Variants in ELMO1 observed in about 807,000 individuals in gnomAD.
ELMO1 encodes engulfment and cell motility 1.
ELMO1 carries 26 observed loss-of-function variants against 98.9 expected under a neutral mutation model. The observed-to-expected ratio is 0.26, with a 90% CI of 0.19 to 0.36. The LOEUF (loss-of-function observed/expected upper bound fraction) is 0.36. Ranked by LOEUF, ELMO1 falls within the 10% of genes least tolerant of loss-of-function variation. The pLI, the probability that ELMO1 is intolerant of heterozygous loss-of-function variation, is 1.00. For synonymous variants in ELMO1, 346 were observed against 346.0 expected, an observed-to-expected ratio of 1.00 and a Z score of 0.00; for missense variants, 627 against 935.2, an observed-to-expected ratio of 0.67 and a Z score of 4.30.
At chr7:37,319,599 C>T (rs563360289) in intron 2 of ELMO1, among the ~76,000 whole-genome samples, 3 of 152,288 alleles carry the variant, frequency 2.0e-5, no homozygotes, top group East Asian at 1.9e-4. Flanking sequence ...GCTTCCCTAG[C>T]GAATCAACCC....
intron 15 of ELMO1, among the ~76,000 whole-genome samples, chr7:37,078,002 C>A (rs570556730): frequency 1.2e-4 from 18 of 152,190 alleles, no homozygotes; most frequent in African/African-American, 4.3e-4. Flanking sequence ...TATTCATTAT[C>A]AAAAATATAA....
intron 4 of ELMO1, among the ~76,000 whole-genome samples, chr7:37,292,757 C>A (rs1313838141): frequency 9.5e-6 from 1 of 104,714 alleles, no homozygotes. Flanking sequence ...GCCCCCCGCC[C>A]GGCCAGCCAC....
At chr7:37,246,373 C>A (rs1223447470) in intron 6 of ELMO1, among the ~76,000 whole-genome samples, 1 of 152,146 alleles carries the variant, frequency 6.6e-6, no homozygotes. Flanking sequence ...TGTCTCCCTA[C>A]AAACTTTTCA....
intron 16 of ELMO1, among the ~76,000 whole-genome samples, chr7:37,002,486 C>A (rs2129163345): frequency 6.6e-6 from 1 of 152,250 alleles, no homozygotes; most frequent in East Asian, 1.9e-4. Context: ...GGTAAAGGAC[C>A]ATGTGGTGAT....
At chr7:37,044,179 G>T (rs997389957) in intron 15 of ELMO1, among the ~76,000 whole-genome samples, 2 of 152,120 alleles carry the variant, frequency 1.3e-5, no homozygotes, top group African/African-American at 4.8e-5. Context: ...ATGAGGGATG[G>T]ATTGACAACT....
chr7:36,981,175 C>T (rs760214769), intron 16 of ELMO1, among the ~76,000 whole-genome samples: 26 of 146,332 alleles, frequency 1.8e-4, no homozygotes, highest in Non-Finnish European at 3.3e-4. Flanking sequence ...GAGGCCAAAG[C>T]TCACTCTAAG....
At chr7:37,267,011 TAA>T (rs1217111170) in intron 5 of ELMO1, among the ~76,000 whole-genome samples, 11 of 67,802 alleles carry the variant, frequency 1.6e-4, no homozygotes, top group African/African-American at 3.7e-4. Flanking sequence ...AGACTCCATC[TAA>T]AAAAAAAAAA....
chr7:37,198,996 C>CT (rs1180258136), intron 13 of ELMO1, among the ~76,000 whole-genome samples: 1 of 152,182 alleles, frequency 6.6e-6, no homozygotes, highest in African/African-American at 2.4e-5. Flanking sequence ...ATTGAAGTGC[C>CT]ATCAGCCTGC....
intron 13 of ELMO1, among the ~76,000 whole-genome samples, chr7:37,149,943 T>C (rs1788246855): frequency 6.6e-6 from 1 of 152,202 alleles, no homozygotes; most frequent in African/African-American, 2.4e-5. Context: ...ACTCAACAAA[T>C]TATCTGTCCT....
intron 1 of ELMO1, among the ~76,000 whole-genome samples, chr7:37,357,758 G>A (rs1801546574): frequency 6.6e-6 from 1 of 152,178 alleles, no homozygotes; most frequent in South Asian, 2.1e-4. Context: ...CATGTTTGCT[G>A]CAGTTTGGTT....
At chr7:36,926,206 G>C (rs1785558059) in intron 16 of ELMO1, among the ~76,000 whole-genome samples, 1 of 152,190 alleles carries the variant, frequency 6.6e-6, no homozygotes, top group Non-Finnish European at 1.5e-5. Flanking sequence ...TCCAGACTGA[G>C]AGTCCATCCT....
chr7:36,909,316 G>T (rs889613275), intron 16 of ELMO1, among the ~76,000 whole-genome samples: 3 of 152,150 alleles, frequency 2.0e-5, no homozygotes, highest in African/African-American at 7.2e-5. Flanking sequence ...TGTTATTATT[G>T]TGATAAAGGA....
At chr7:37,046,467 C>G (rs1795803478) in intron 15 of ELMO1, among the ~76,000 whole-genome samples, 1 of 152,196 alleles carries the variant, frequency 6.6e-6, no homozygotes, top group Admixed American at 6.5e-5. Context: ...CCACTTGGAG[C>G]TACTTTTCAG....
At chr7:37,020,553 C>T (rs2113354) in intron 15 of ELMO1, among the ~76,000 whole-genome samples, 44,477 of 151,908 alleles carry the variant, frequency 0.29, 8,975 homozygotes, top group African/African-American at 0.58. Flanking sequence ...AATGATAAGA[C>T]GACGGGAAAA....
At chr7:36,940,232 C>T (rs1006417723) in intron 16 of ELMO1, among the ~76,000 whole-genome samples, 23 of 152,220 alleles carry the variant, frequency 1.5e-4, no homozygotes, top group African/African-American at 5.5e-4. Context: ...CAAGGGCTTA[C>T]AGTCACACTG....
intron 7 of ELMO1, among the ~76,000 whole-genome samples, chr7:37,236,485 A>G (rs1794469266): frequency 1.3e-5 from 2 of 152,216 alleles, no homozygotes; most frequent in Admixed American, 1.3e-4. Flanking sequence ...GATCTATCTA[A>G]TGACATGACA....
At chr7:37,403,312 C>CGG (rs1190349060) in intron 1 of ELMO1, among the ~76,000 whole-genome samples, 9 of 152,044 alleles carry the variant, frequency 5.9e-5, no homozygotes, top group Non-Finnish European at 1.3e-4. Flanking sequence ...AATCCCAACA[C>CGG]TTTGAGAGGG....
chr7:36,887,817 G>GT (rs1200959872), intron 17 of ELMO1, 145 bp from the exon 18 acceptor site: 9 of 662,268 alleles, frequency 1.4e-5, no homozygotes, highest in Non-Finnish European at 2.1e-5. Flanking sequence ...TTAGAGAAGT[G>GT]TTTATTAAGA....
At chr7:37,173,462 A>G (rs1012838221) in intron 13 of ELMO1, among the ~76,000 whole-genome samples, 10 of 152,262 alleles carry the variant, frequency 6.6e-5, no homozygotes, top group African/African-American at 2.2e-4. Context: ...CGGATTATAC[A>G]TTGGACCTAT....
Sources: allele counts gnomAD v4.1 joint callset (sites outside exome capture counted in the v4.1 genomes callset), GRCh38; gene constraint gnomAD v4.1.1; transcripts MANE v1.5; gene names NCBI Gene and HGNC (gene_info 2026-07-23, HGNC 2026-07-21).